The following PCSK5 variants were observed in gnomAD, a reference collection of about 807,000 sequenced individuals.
PCSK5 encodes the protein prohormone convertase 5.
A neutral mutation model predicts 233.2 loss-of-function variants in PCSK5; 129 were observed. The observed-to-expected ratio is 0.55, with a 90% CI of 0.48 to 0.64. The LOEUF is 0.64. Ranked by LOEUF, PCSK5 falls within the 30% of genes least tolerant of loss-of-function variation. The probability of loss-of-function intolerance (pLI) is 0.00; values close to 1 mark genes in which losing one functional copy is unlikely to be tolerated. For missense variants in PCSK5, 2,076 were observed against 2,430.1 expected, an observed-to-expected ratio of 0.85 and a Z score of 3.06; for synonymous variants, 825 against 879.2, an observed-to-expected ratio of 0.94 and a Z score of 1.09.
intron 20 of PCSK5, among the ~76,000 whole-genome samples, chr9:76,192,896 CTG>C (rs956249075): frequency 5.3e-5 from 8 of 151,410 alleles, no homozygotes; most frequent in South Asian, 2.1e-4. Context: ...GTATAAATGA[CTG>C]TATACTCTCT....
chr9:76,013,073 A>G (rs1827798682), intron 3 of PCSK5, among the ~76,000 whole-genome samples: 1 of 151,968 alleles, frequency 6.6e-6, no homozygotes, highest in Non-Finnish European at 1.5e-5. Flanking sequence ...ATTTTTAGAT[A>G]TAATGTCAAT....
chr9:75,949,899 A>C (rs1158216523), intron 2 of PCSK5, among the ~76,000 whole-genome samples: 3 of 152,184 alleles, frequency 2.0e-5, no homozygotes, highest in Non-Finnish European at 4.4e-5. Flanking sequence ...ACAGGCATGC[A>C]GTGCATAATA....
At chr9:75,980,894 A>G (rs924127548) in intron 2 of PCSK5, among the ~76,000 whole-genome samples, 3 of 125,024 alleles carry the variant, frequency 2.4e-5, no homozygotes, top group African/African-American at 8.6e-5. Flanking sequence ...TTTCCATAGC[A>G]AAAACATGTT....
intron 10 of PCSK5, among the ~76,000 whole-genome samples, chr9:76,147,254 A>G (rs1823477336): frequency 6.6e-6 from 1 of 152,194 alleles, no homozygotes; most frequent in Admixed American, 6.5e-5. Context: ...AATTAAGGGA[A>G]CTTTTATCTT....
Position 76,188,595 on chromosome 9 carries a change from G to A in PCSK5, c.2300G>A (p.Cys767Tyr). The A allele has an allele frequency of 6.2e-7, 1 of 1,613,452 alleles. No individual in the cohort carries two copies. The highest frequency in any genetic ancestry group is 1.7e-5 in the Admixed American group (1 of 60,006). ...RDGLSLQGSRCSVSCEDGRYF... is the reference protein window; with the variant it reads ...RDGLSLQGSRYSVSCEDGRYF... ...TCTTCCAGCCTGCAGGGATCCCGGTGCTCTGTCTCCTGTGAAGATGGACGG... is the reference window on the plus strand; with the variant it reads ...TCTTCCAGCCTGCAGGGATCCCGGTACTCTGTCTCCTGTGAAGATGGACGG... The change falls in exon 18 of 38, where the codon TGC (cysteine) becomes TAC (tyrosine). Residue 767 changes from cysteine to tyrosine, a missense_variant. By Grantham distance (194) the Cys-to-Tyr change is radical. Transcript: ENST00000674117.
chr9:75,924,357 T>A (rs1315374163), intron 1 of PCSK5, among the ~76,000 whole-genome samples: 1 of 151,294 alleles, frequency 6.6e-6, no homozygotes, highest in Admixed American at 6.6e-5. Context: ...AACTAAAGTC[T>A]AAAAAAAAAT....
chr9:76,327,983 T>C (rs1829415783), intron 32 of PCSK5, 26 bp from the exon 33 acceptor site: 1 of 1,486,720 alleles, frequency 6.7e-7, no homozygotes, highest in South Asian at 1.1e-5. Flanking sequence ...TCGCTCACTC[T>C]GTCTGCTGCC....
At chr9:75,916,876 A>G (rs1823021613) in intron 1 of PCSK5, among the ~76,000 whole-genome samples, 1 of 152,184 alleles carries the variant, frequency 6.6e-6, no homozygotes, top group Non-Finnish European at 1.5e-5. Context: ...CTCTTTAAAG[A>G]TGGGAAAAGC....
At chr9:76,191,615 C>T (rs1267364587) in intron 20 of PCSK5, among the ~76,000 whole-genome samples, 1 of 152,054 alleles carries the variant, frequency 6.6e-6, no homozygotes, top group Non-Finnish European at 1.5e-5. Flanking sequence ...ATGGTTTTTC[C>T]AGTATGTGAT....
At chr9:76,050,912 A>G (rs182327256) in intron 5 of PCSK5, among the ~76,000 whole-genome samples, 2 of 152,280 alleles carry the variant, frequency 1.3e-5, no homozygotes, top group African/African-American at 4.8e-5. Flanking sequence ...CTGCCTCCCA[A>G]GTGACACCAC....
At chr9:76,211,676 C>T (rs774914022) in intron 20 of PCSK5, among the ~76,000 whole-genome samples, 1 of 152,198 alleles carries the variant, frequency 6.6e-6, no homozygotes, top group Non-Finnish European at 1.5e-5. Context: ...TAGGGAAATG[C>T]TATGTCTACA....
At chr9:76,021,352 T>C (rs376489343) in intron 3 of PCSK5, among the ~76,000 whole-genome samples, 2 of 94,848 alleles carry the variant, frequency 2.1e-5, no homozygotes, top group East Asian at 4.1e-4. Flanking sequence ...AGAGAAAGTG[T>C]GTGTGTGGGT....
At chr9:76,292,377 C>A in intron 25 of PCSK5, 102 bp downstream of exon 25, 1 of 763,018 alleles carries the variant, frequency 1.3e-6, no homozygotes, top group Non-Finnish European at 2.4e-6. Context: ...CCCTGCAGCC[C>A]GAAGCAACTC....
chr9:76,051,987 C>CAA (rs1488097487), intron 5 of PCSK5, among the ~76,000 whole-genome samples: 13 of 152,158 alleles, frequency 8.5e-5, no homozygotes, highest in Non-Finnish European at 1.5e-5. Flanking sequence ...GGGCTGCAGA[C>CAA]AGACATGGGC....
chr9:76,200,362 A>G (rs1300965477), intron 20 of PCSK5, among the ~76,000 whole-genome samples: 2 of 152,134 alleles, frequency 1.3e-5, no homozygotes, highest in Non-Finnish European at 1.5e-5. Context: ...CTCATCCCAC[A>G]GGTCTCAGTT....
chr9:76,133,626 A>G (rs1433804201), intron 9 of PCSK5, among the ~76,000 whole-genome samples: 1 of 151,998 alleles, frequency 6.6e-6, no homozygotes, highest in Admixed American at 6.6e-5. Flanking sequence ...CATATCCCAC[A>G]TATATATGCA....
At chr9:75,905,689 C>T (rs1826236114) in intron 1 of PCSK5, among the ~76,000 whole-genome samples, 1 of 152,232 alleles carries the variant, frequency 6.6e-6, no homozygotes, top group Non-Finnish European at 1.5e-5. Flanking sequence ...AGGTGAGCCG[C>T]TCCACTTCCT....
chr9:76,065,347 A>G (rs1482832708), intron 5 of PCSK5, among the ~76,000 whole-genome samples: 1 of 152,010 alleles, frequency 6.6e-6, no homozygotes, highest in East Asian at 1.9e-4. Flanking sequence ...TGTCTTTTTG[A>G]TAATAGTCAC....
At chr9:75,943,673 C>G (rs898722885) in intron 2 of PCSK5, among the ~76,000 whole-genome samples, 1 of 152,138 alleles carries the variant, frequency 6.6e-6, no homozygotes, top group African/African-American at 2.4e-5. Context: ...GAGCTCTACC[C>G]ATCAATCTTC....
Sources: allele counts gnomAD v4.1 joint callset (sites outside exome capture counted in the v4.1 genomes callset), GRCh38; gene constraint gnomAD v4.1.1; transcripts MANE v1.5; gene names NCBI Gene and HGNC (gene_info 2026-07-23, HGNC 2026-07-21).